MEF2D: variants seen among roughly 807,000 people sequenced by gnomAD.
MEF2D encodes the protein myocyte-specific enhancer factor 2D.
MEF2D carries 10 observed loss-of-function variants against 59.3 expected under a neutral mutation model. The observed-to-expected ratio is 0.17, with a 90% CI of 0.10 to 0.29. The LOEUF (loss-of-function observed/expected upper bound fraction) is 0.29. Among genes scored for constraint, MEF2D ranks in the 10% least tolerant of loss-of-function variants. The pLI is 1.00. For missense variants in MEF2D, 508 were observed against 699.4 expected (o/e 0.73, Z 3.09); for synonymous variants, 305 against 295.0 (o/e 1.03, Z -0.35).
chr1:156,473,025 T>TA (rs1460839634), intron 9 of MEF2D, among the ~76,000 whole-genome samples: 1 of 142,948 alleles, frequency 7.0e-6, no homozygotes, highest in East Asian at 2.0e-4. Flanking sequence ...ATGTTTGAAC[T>TA]TTTTTTTTTT....
At chr1:156,495,193 T>C (rs956663290) in intron 1 of MEF2D, among the ~76,000 whole-genome samples, 5 of 152,144 alleles carry the variant, frequency 3.3e-5, no homozygotes, top group Non-Finnish European at 5.9e-5. Flanking sequence ...TGCTGAGGAA[T>C]CCTGGTTTTC....
chr1:156,495,112 C>T (rs1363517960), intron 1 of MEF2D, among the ~76,000 whole-genome samples: 1 of 152,134 alleles, frequency 6.6e-6, no homozygotes, highest in Non-Finnish European at 1.5e-5. Context: ...GCTTTGGGGG[C>T]TTTCTCCATG....
intron 1 of MEF2D, among the ~76,000 whole-genome samples, chr1:156,489,290 G>A (rs979669369): frequency 2.0e-5 from 3 of 152,126 alleles, no homozygotes; most frequent in African/African-American, 4.8e-5. Flanking sequence ...AGCAGCAGGC[G>A]CTGGGGGAGG....
chr1:156,468,876 G>GGTGGCTGCTGCT lies in MEF2D; in HGVS notation c.1139_1150dup (p.Gln380_Pro383dup). 2.5e-6 allele frequency: 4 copies of GGTGGCTGCTGCT among 1,612,884 alleles called. No homozygotes were observed. The highest frequency in any genetic ancestry group is 3.4e-6 in the Non-Finnish European group (4 of 1,179,408). On this transcript the variant is annotated inframe_insertion, in exon 10 of 12. Coordinates refer to ENST00000348159, the MANE Select transcript of MEF2D (RefSeq NM_005920.4). This position sits in a 1 kb window ranked among gnomAD's most constrained non-coding sequence, Gnocchi z 4.3. ...CTGTGGCTGTGGCTGCTGTGGCTGCGGTGGCTGCTGCTGTGGAGGCTGTGG... is the reference window on the plus strand; with the variant it reads ...CTGTGGCTGTGGCTGCTGTGGCTGCGGTGGCTGCTGCTGTGGCTGCTGCTGTGGAGGCTGTGG...
Position 156,467,464 on chromosome 1 carries a change from A to T in MEF2D, c.*181T>A, listed in dbSNP as rs919991854. 4 of 280,718 alleles carry T rather than the reference A, an allele frequency of 1.4e-5. No individual in the cohort carries two copies. Among genetic ancestry groups the T allele is most frequent in the Admixed American group, 1.1e-4 (2 of 18,670 alleles). The allele number at this position is 280,718 out of a possible 1,614,324, so 17.4% of individuals were successfully genotyped here. On this transcript the variant is annotated 3_prime_UTR_variant, in exon 12 of 12. Transcript: ENST00000348159. ...CCTCTCCAAAGCGAGAATCCAAATT[A>T]AAAAAAATATAATAATAATAATAAT...
At chr1:156,492,105 G>GT (rs1672838163) in intron 1 of MEF2D, among the ~76,000 whole-genome samples, 1 of 152,266 alleles carries the variant, frequency 6.6e-6, no homozygotes, top group Non-Finnish European at 1.5e-5. Flanking sequence ...TTCACAGGGT[G>GT]AAGTGTGGCT....
chr1:156,480,184 G>A (rs778102408), intron 4 of MEF2D, among the ~76,000 whole-genome samples: 4 of 152,016 alleles, frequency 2.6e-5, no homozygotes, highest in Admixed American at 6.6e-5. Context: ...CTTGCACCAC[G>A]GGTAGGGACA....
At chr1:156,478,625 A>T (rs1671780014) in intron 6 of MEF2D, among the ~76,000 whole-genome samples, 1 of 151,954 alleles carries the variant, frequency 6.6e-6, no homozygotes, top group Non-Finnish European at 1.5e-5. Flanking sequence ...CTGCCTCCTG[A>T]GTTTAAGCGA....
At chr1:156,478,755 C>CCTGACCTCAGGTGATCCG in intron 6 of MEF2D, among the ~76,000 whole-genome samples, 1 of 152,152 alleles carries the variant, frequency 6.6e-6, no homozygotes, top group Non-Finnish European at 1.5e-5. Flanking sequence ...GTCTCAAACT[C>CCTGACCTCAGGTGATCCG]CCGACCTCAG....
rs1028254937 is a variant in MEF2D, at chr1:156,467,557, G to A, written c.*88C>T. 8.3e-6 allele frequency: 9 copies of A among 1,080,886 alleles called. No individual in the cohort carries two copies. In the South Asian group the frequency reaches 1.1e-4, roughly 13 times the overall value. 67.0% of individuals were successfully genotyped at this position (1,080,886 alleles called of 1,614,324 possible). A position where few individuals can be genotyped will look rare whatever the true frequency, so the allele number is the denominator to read the frequency against. On this transcript the variant is annotated 3_prime_UTR_variant, in exon 12 of 12. Transcript: ENST00000348159. ...AAGCACAAGAAAGGAAGTGGGGGTCGAGCGGGAGGAGCCCGGGGCAGGGAA... is the reference window on the plus strand; with the variant it reads ...AAGCACAAGAAAGGAAGTGGGGGTCAAGCGGGAGGAGCCCGGGGCAGGGAA...
intron 7 of MEF2D, 107 bp from the exon 8 acceptor site, chr1:156,476,621 G>A: frequency 7.1e-7 from 1 of 1,406,100 alleles, no homozygotes; most frequent in South Asian, 1.2e-5. Flanking sequence ...TAAGAGTAGG[G>A]TGGCTCTACC....
rs1571256689 is a variant in MEF2D at position 156,486,734 on chromosome 1, T to G, written c.-138-3304A>C. ...TCTGTGCTTCTATTTAACGCCTGGC[T>G]CCTCTATGAGACTAAAGTTTCATGA... On this transcript the variant is annotated intron_variant, in intron 1 of 11. Coordinates refer to ENST00000348159, the MANE Select transcript of MEF2D (RefSeq NM_005920.4). Among the ~76,000 whole-genome samples the G allele has an allele frequency of 2.0e-5, 3 of 152,212 alleles. No individual in the cohort carries two copies. In the East Asian group the frequency reaches 5.8e-4, roughly 29 times the overall value.
chr1:156,481,557 T>C (rs3790454), intron 3 of MEF2D, among the ~76,000 whole-genome samples: 5 of 152,034 alleles, frequency 3.3e-5, no homozygotes, highest in Non-Finnish European at 7.4e-5. Context: ...TGGAGGCACA[T>C]CTGGGGGATC....
Position 156,475,113 on chromosome 1 carries a change from T to C in MEF2D, c.1001A>G (p.Asn334Ser), listed in dbSNP as rs745448147. 1 of 1,614,202 alleles carries C rather than the reference T, an allele frequency of 6.2e-7. No individual in the cohort carries two copies. The highest frequency in any genetic ancestry group is 8.5e-7 in the Non-Finnish European group (1 of 1,180,014). ...CATGTCACATGAACACTCACCTGTGTTGTAGGCAGTGGGCATGGAAGAGAA... is the reference window on the plus strand; with the variant it reads ...CATGTCACATGAACACTCACCTGTGCTGTAGGCAGTGGGCATGGAAGAGAA... ...LPFSSMPTAY[N>S]TDYQLTSAEL... The change falls in exon 9 of 12, where the codon AAC becomes AGC. Residue 334 changes from asparagine (N) to serine (S), a missense_variant. By Grantham distance (46) the Asn-to-Ser change is conservative. Coordinates refer to ENST00000348159, the MANE Select transcript of MEF2D (RefSeq NM_005920.4).
chr1:156,475,215 A>G lies in MEF2D; in HGVS notation c.899T>C (p.Val300Ala). Reference sequence around the variant, plus strand: ...GGTGAGCGAATGAGTAGACTGGGAGACCCCAAGGCGCTGGGCATTGTTCTG... The same window carrying G: ...GGTGAGCGAATGAGTAGACTGGGAGGCCCCAAGGCGCTGGGCATTGTTCTG... ...LDLNNAQRLG[V>A]SQSTHSLTTP... The change falls in exon 9 of 12, where the codon GTC (valine) becomes GCC (alanine). Residue 300 changes from valine (V) to alanine (A), a missense_variant. This residue lies in a region of MEF2D where 481 missense variants were observed against 584.7 expected (regional missense o/e 0.82). Transcript: ENST00000348159. 6.2e-7 allele frequency: 1 copy of G among 1,612,702 alleles called. No homozygotes were observed. The highest frequency in any genetic ancestry group is 8.5e-7 in the Non-Finnish European group (1 of 1,179,360).
At chr1:156,467,843 AG>A (rs1670954840) in intron 11 of MEF2D, 149 bp downstream of exon 11, 1 of 1,103,150 alleles carries the variant, frequency 9.1e-7, no homozygotes, top group Non-Finnish European at 1.3e-6. Context: ...GCAGGGGTGA[AG>A]GGGTGTTGGT....
chr1:156,483,167 G>T, intron 2 of MEF2D, 72 bp downstream of exon 2: 1 of 1,476,250 alleles, frequency 6.8e-7, no homozygotes, highest in Non-Finnish European at 9.5e-7. Flanking sequence ...CTCTTGGAAT[G>T]CCTGAAGGGA....
intron 4 of MEF2D, among the ~76,000 whole-genome samples, chr1:156,480,013 C>T (rs750357097): frequency 1.3e-5 from 2 of 152,150 alleles, no homozygotes; most frequent in African/African-American, 2.4e-5. Context: ...TACTCTGGGT[C>T]CATTTCTGGC....
chr1:156,474,198 C>T (rs1671419886), intron 9 of MEF2D, among the ~76,000 whole-genome samples: 1 of 152,206 alleles, frequency 6.6e-6, no homozygotes, highest in Non-Finnish European at 1.5e-5. Context: ...CACAGTGGCT[C>T]ATGCCTGTAA....
Sources: allele counts gnomAD v4.1 joint callset (sites outside exome capture counted in the v4.1 genomes callset), GRCh38; gene constraint gnomAD v4.1.1; regional missense constraint gnomAD v4.1.1; non-coding constraint Gnocchi (gnomAD v3.1); transcripts MANE v1.5; gene names NCBI Gene and HGNC (gene_info 2026-07-23, HGNC 2026-07-21).